BCAS3: variants seen among roughly 807,000 people sequenced by gnomAD.
The protein encoded by BCAS3 is BCAS3 microtubule associated cell migration factor.
Under a neutral mutation model 116.1 loss-of-function variants are expected in BCAS3, and 53 were observed. That is an observed-to-expected ratio of 0.46 (90% CI 0.37 to 0.57). The LOEUF is 0.57. Ranked by LOEUF, BCAS3 falls within the 20% of genes least tolerant of loss-of-function variation. The probability of loss-of-function intolerance (pLI) is 0.00; values close to 1 mark genes in which losing one functional copy is unlikely to be tolerated. For synonymous variants in BCAS3, 391 were observed against 408.2 expected (o/e 0.96, Z 0.51); for missense variants, 917 against 1,165.4 (o/e 0.79, Z 3.10).
At chr17:61,067,750 T>C (rs539594546) in intron 19 of BCAS3, among the ~76,000 whole-genome samples, 2 of 147,466 alleles carry the variant, frequency 1.4e-5, no homozygotes, top group Admixed American at 1.4e-4. Context: ...AATATATATA[T>C]ATATATAGAA....
At chr17:61,232,672 AAT>A (rs1196536215) in intron 22 of BCAS3, among the ~76,000 whole-genome samples, 1 of 152,176 alleles carries the variant, frequency 6.6e-6, no homozygotes, top group African/African-American at 2.4e-5. Flanking sequence ...GAGGAAAAAA[AAT>A]CACAATGGTA....
rs186315686 is a variant in BCAS3 at position 60,748,423 on chromosome 17, G to T, written c.403+1144G>T. On this transcript the variant is annotated intron_variant, in intron 6 of 23. Coordinates refer to ENST00000407086, the MANE Select transcript of BCAS3 (RefSeq NM_017679.5). ...CACACAATTGATTGTGCTGTCTCTC[G>T]CTCTCTCATGCTCTGTCACTCTCTC... Among the ~76,000 whole-genome samples the T allele has an allele frequency of 4.7e-3, 717 of 152,154 alleles. 5 individuals are homozygous for T. Among genetic ancestry groups the T allele is most frequent in the Non-Finnish European group, 6.1e-3 (417 of 68,008 alleles).
intron 4 of BCAS3, among the ~76,000 whole-genome samples, chr17:60,692,488 C>T (rs1231276538): frequency 3.9e-5 from 6 of 152,032 alleles, no homozygotes; most frequent in South Asian, 2.1e-4. Context: ...GTGATCCGCC[C>T]GTCTTGGCCT....
intron 22 of BCAS3, among the ~76,000 whole-genome samples, chr17:61,202,059 C>CTTTTTTTT (rs35961240): frequency 2.8e-5 from 2 of 70,336 alleles, no homozygotes; most frequent in Middle Eastern, 0.01. Flanking sequence ...TGCCCGGCCT[C>CTTTTTTTT]TTTTTTTTTT....
At chr17:60,928,265 A>C (rs566479082) in intron 13 of BCAS3, among the ~76,000 whole-genome samples, 139 of 152,362 alleles carry the variant, frequency 9.1e-4, no homozygotes, top group African/African-American at 3.1e-3. Context: ...TTTTGGAGAT[A>C]GTTCTTCAAA....
intron 14 of BCAS3, among the ~76,000 whole-genome samples, chr17:60,951,438 A>G (rs993615258): frequency 1.3e-5 from 2 of 152,170 alleles, no homozygotes; most frequent in South Asian, 4.1e-4. Flanking sequence ...TACATGGAAC[A>G]AAAACATCAA....
intron 19 of BCAS3, among the ~76,000 whole-genome samples, chr17:61,061,911 A>G (rs936156797): frequency 1.5e-4 from 23 of 152,208 alleles, no homozygotes; most frequent in African/African-American, 5.5e-4. Context: ...TACAGAGATA[A>G]TGATAAATAA....
At chr17:61,164,926 C>T (rs569318909) in intron 22 of BCAS3, among the ~76,000 whole-genome samples, 106 of 152,276 alleles carry the variant, frequency 7.0e-4, no homozygotes, top group African/African-American at 2.5e-3. Context: ...ATTCATTTCC[C>T]GATTGGACCA....
At chr17:60,928,092 A>G (rs2059456194) in intron 13 of BCAS3, among the ~76,000 whole-genome samples, 1 of 152,168 alleles carries the variant, frequency 6.6e-6, no homozygotes. Context: ...TAGTGACTCT[A>G]TTCACCTTGT....
Position 61,189,519 on chromosome 17 carries a change from A to C in BCAS3, c.2425+104955A>C, listed in dbSNP as rs1054506458. Reference sequence around the variant, plus strand: ...ATTTTAAATGTAATTTGGGAGCTGTAGAGAGAGCAGATTTGAAGAAAGATT... The same window carrying C: ...ATTTTAAATGTAATTTGGGAGCTGTCGAGAGAGCAGATTTGAAGAAAGATT... On this transcript the variant is annotated intron_variant, in intron 22 of 23. Coordinates refer to ENST00000407086, the MANE Select transcript of BCAS3 (RefSeq NM_017679.5). The surrounding 1 kb of genome is among the most constrained non-coding windows in gnomAD (Gnocchi z 4.5). 5.9e-5 allele frequency among the ~76,000 whole-genome samples: 9 copies of C among 152,206 alleles called. No homozygotes were observed. The highest frequency in any genetic ancestry group is 2.1e-4 in the South Asian group (1 of 4,826).
At position 61,309,146 on chromosome 17, in the gene BCAS3, T is replaced by TC. The variant is rs915202224; in HGVS notation, c.2426-59181_2426-59180insC. On this transcript the variant is annotated intron_variant, in intron 22 of 23. Transcript: ENST00000407086. This position sits in a 1 kb window ranked among gnomAD's most constrained non-coding sequence, Gnocchi z 4.6. Reference sequence around the variant, plus strand: ...TCCATGCCCGTCAAGGAGTAATACTTTTTTCAGCCTTGGGTTTAGTGACAG... The same window carrying TC: ...TCCATGCCCGTCAAGGAGTAATACTTCTTTTCAGCCTTGGGTTTAGTGACAG... Among the ~76,000 whole-genome samples, 1 of 151,520 alleles carries TC rather than the reference T, an allele frequency of 6.6e-6. No homozygotes were observed. The highest frequency in any genetic ancestry group is 2.4e-5 in the African/African-American group (1 of 40,976).
Position 61,139,880 on chromosome 17 carries a change from T to C in BCAS3, c.2425+55316T>C, listed in dbSNP as rs1007312326. On this transcript the variant is annotated intron_variant, in intron 22 of 23. Transcript: ENST00000407086. This position sits in a 1 kb window ranked among gnomAD's most constrained non-coding sequence, Gnocchi z 4.7. ...GAAAAAATGCCGTTTGAGCTAGAAT[T>C]TGAGGAATACGTGGAATTTTGGCAG... is the stretch of plus-strand genomic sequence containing the variant. Among the ~76,000 whole-genome samples the C allele has an allele frequency of 1.3e-5, 2 of 152,084 alleles. No homozygotes were observed. Among genetic ancestry groups the C allele is most frequent in the African/African-American group, 4.8e-5 (2 of 41,408 alleles).
In BCAS3 at chr17:61,249,028, G is replaced by C. The variant is rs1164820815; in HGVS notation, c.2426-119299G>C. On this transcript the variant is annotated intron_variant, in intron 22 of 23. Coordinates refer to ENST00000407086, the MANE Select transcript of BCAS3 (RefSeq NM_017679.5). The surrounding 1 kb of genome is among the most constrained non-coding windows in gnomAD (Gnocchi z 6.2). ...TGGCTGGGCTTGGTGGCTCACGCCT[G>C]TAATCCCAGAACTTTGGGAGGCCGA... Among the ~76,000 whole-genome samples the C allele has an allele frequency of 2.6e-5, 4 of 152,168 alleles. No homozygotes were observed. Among genetic ancestry groups the C allele is most frequent in the Non-Finnish European group, 4.4e-5 (3 of 68,026 alleles).
chr17:61,043,373 A>G (rs1311183169), intron 19 of BCAS3, among the ~76,000 whole-genome samples: 1 of 152,082 alleles, frequency 6.6e-6, no homozygotes, highest in African/African-American at 2.4e-5. Flanking sequence ...GTCTCAAAAA[A>G]GAGAGGGACA....
At chr17:61,290,703 A>G (rs1485020289) in intron 22 of BCAS3, among the ~76,000 whole-genome samples, 2 of 152,160 alleles carry the variant, frequency 1.3e-5, no homozygotes, top group African/African-American at 4.8e-5. Flanking sequence ...TGTTCCAGGA[A>G]GGTAGGATTC....
intron 5 of BCAS3, among the ~76,000 whole-genome samples, chr17:60,712,211 A>G (rs1338772825): frequency 1.3e-5 from 2 of 150,762 alleles, no homozygotes; most frequent in Non-Finnish European, 2.9e-5. Flanking sequence ...TTGTCTCTAC[A>G]AAAAATTTTT....
chr17:61,208,877 G>GAA lies in BCAS3; in HGVS notation c.2425+124327_2425+124328dup, dbSNP rs11299754. 8.3e-5 allele frequency among the ~76,000 whole-genome samples: 12 copies of GAA among 143,836 alleles called. No homozygotes were observed. Among genetic ancestry groups the GAA allele is most frequent in the East Asian group, 6.1e-4 (3 of 4,880 alleles). The allele number at this position is 143,836 out of a possible 152,430, so 94.4% of individuals were successfully genotyped here. On this transcript the variant is annotated intron_variant, in intron 22 of 23. Coordinates refer to ENST00000407086, the MANE Select transcript of BCAS3 (RefSeq NM_017679.5). The surrounding 1 kb of genome is among the most constrained non-coding windows in gnomAD (Gnocchi z 4.5). Reference sequence around the variant, plus strand: ...TTGCTAAGAGAAAAGTGCTAAAAAGGAAAAAAAAAAAAAAAGGAGGGCCTG... The same window carrying GAA: ...TTGCTAAGAGAAAAGTGCTAAAAAGGAAAAAAAAAAAAAAAAAGGAGGGCCTG...
rs1305010796 is a variant in BCAS3, at chr17:61,073,371, A to C, written c.2030-1549A>C. 6.6e-6 allele frequency among the ~76,000 whole-genome samples: 1 copy of C among 152,212 alleles called. No homozygotes were observed. Among genetic ancestry groups the C allele is most frequent in the Non-Finnish European group, 1.5e-5 (1 of 68,034 alleles). ...AATTAGCATTTCTCCTCTTGCAGCA[A>C]GTTAAGATAAGCTTTTTGTGAGTCT... is the stretch of plus-strand genomic sequence containing the variant. On this transcript the variant is annotated intron_variant, in intron 19 of 23. Coordinates refer to ENST00000407086, the MANE Select transcript of BCAS3 (RefSeq NM_017679.5). The surrounding 1 kb of genome is among the most constrained non-coding windows in gnomAD (Gnocchi z 4.6).
Position 61,365,220 on chromosome 17 carries a change from G to A in BCAS3, c.2426-3107G>A, listed in dbSNP as rs1457856490. On this transcript the variant is annotated intron_variant, in intron 22 of 23. Coordinates refer to ENST00000407086, the MANE Select transcript of BCAS3 (RefSeq NM_017679.5). This position sits in a 1 kb window ranked among gnomAD's most constrained non-coding sequence, Gnocchi z 4.6. The stretch of plus-strand genomic sequence containing the variant: ...CTAGCTCATGATTCTTTTCTCGTGC[G>A]TACTGTTACTTTATCCCTTAAAATA... Among the ~76,000 whole-genome samples the A allele has an allele frequency of 4.6e-5, 7 of 152,248 alleles. No individual in the cohort carries two copies. Among genetic ancestry groups the A allele is most frequent in the Non-Finnish European group, 5.9e-5 (4 of 68,020 alleles).
Sources: allele counts gnomAD v4.1 joint callset (sites outside exome capture counted in the v4.1 genomes callset), GRCh38; gene constraint gnomAD v4.1.1; non-coding constraint Gnocchi (gnomAD v3.1); transcripts MANE v1.5; gene names NCBI Gene and HGNC (gene_info 2026-07-23, HGNC 2026-07-21).